The following SLC1A1 variants were observed in gnomAD, a reference collection of about 807,000 sequenced individuals.
The protein encoded by SLC1A1 is solute carrier family 1 member 1.
A neutral mutation model predicts 53.3 loss-of-function variants in SLC1A1; 43 were observed. That is an observed-to-expected ratio of 0.81 (90% CI 0.63 to 1.04). The LOEUF (loss-of-function observed/expected upper bound fraction) is 1.04, where lower values mean the gene tolerates loss of function less well. Ranked by LOEUF, SLC1A1 falls within the 50% of genes least tolerant of loss-of-function variation. The pLI is 0.00. For missense variants in SLC1A1, 748 were observed against 664.9 expected, an observed-to-expected ratio of 1.12 and a Z score of -1.37; for synonymous variants, 307 against 243.2, an observed-to-expected ratio of 1.26 and a Z score of -2.44.
At chr9:4,495,634 G>A (rs1820387835) in intron 1 of SLC1A1, among the ~76,000 whole-genome samples, 1 of 152,096 alleles carries the variant, frequency 6.6e-6, no homozygotes, top group South Asian at 2.1e-4. Context: ...TAGTTTGTGT[G>A]AGAAACATCA....
chr9:4,522,032 G>A (rs1816091711), intron 1 of SLC1A1, among the ~76,000 whole-genome samples: 1 of 145,252 alleles, frequency 6.9e-6, no homozygotes, highest in Admixed American at 7.0e-5. Context: ...TAATGAATCA[G>A]AACCTGCCTC....
chr9:4,501,551 G>T (rs139222056), intron 1 of SLC1A1, among the ~76,000 whole-genome samples: 2 of 151,564 alleles, frequency 1.3e-5, no homozygotes, highest in African/African-American at 4.9e-5. Flanking sequence ...GATCACCTGA[G>T]GTCAGGAGTT....
At chr9:4,569,476 T>C (rs529347896) in intron 6 of SLC1A1, among the ~76,000 whole-genome samples, 35 of 152,310 alleles carry the variant, frequency 2.3e-4, no homozygotes, top group African/African-American at 7.9e-4. Context: ...TCAACATGCT[T>C]TGAGAGCTTT....
chr9:4,564,365 T>C lies in SLC1A1; in HGVS notation c.347T>C (p.Ile116Thr). 1 of 1,613,578 alleles carries C rather than the reference T, an allele frequency of 6.2e-7. No homozygotes were observed. Among genetic ancestry groups the C allele is most frequent in the Non-Finnish European group, 8.5e-7 (1 of 1,179,744 alleles). The change falls in exon 4 of 12, where the codon ATC (isoleucine) becomes ACC (threonine). Residue 116 changes from isoleucine (I) to threonine (T), a missense_variant. Transcript: ENST00000262352. The stretch of plus-strand genomic sequence containing the variant: ...ACAGGTATTGTGCTGGTGGTGAGCA[T>C]CAAGCCTGGTGTCACCCAGAAAGTG... ...VILGIVLVVS[I>T]KPGVTQKVGE... is the part of the protein sequence containing the mutation.
At chr9:4,497,853 T>G (rs556391733) in intron 1 of SLC1A1, among the ~76,000 whole-genome samples, 1 of 152,358 alleles carries the variant, frequency 6.6e-6, no homozygotes, top group African/African-American at 2.4e-5. Context: ...TCTCTGAGTC[T>G]TTGTTTCTTA....
At chr9:4,562,525 G>T (rs1050998118) in intron 3 of SLC1A1, among the ~76,000 whole-genome samples, 2 of 152,190 alleles carry the variant, frequency 1.3e-5, no homozygotes, top group African/African-American at 4.8e-5. Flanking sequence ...AATCCCACTT[G>T]TAAGAGGGAG....
At position 4,490,622 on chromosome 9, in the gene SLC1A1, C is replaced by T. The variant is rs1820195258; in HGVS notation, c.-58C>T. 2 of 1,432,922 alleles carry T rather than the reference C, an allele frequency of 1.4e-6. No homozygotes were observed. The highest frequency in any genetic ancestry group is 1.4e-5 in the African/African-American group (1 of 71,080). 88.8% of individuals were successfully genotyped at this position (1,432,922 alleles called of 1,614,324 possible). A position where few individuals can be genotyped will look rare whatever the true frequency, so the allele number is the denominator to read the frequency against. ...GCGCCGCCGAGCAGCCAGCAGTCCC[C>T]GGGTCGCCCAGCCCACGCGCGCACG... On this transcript the variant is annotated 5_prime_UTR_variant, in exon 1 of 12. Transcript: ENST00000262352.
intron 1 of SLC1A1, among the ~76,000 whole-genome samples, chr9:4,531,555 C>T (rs940721546): frequency 5.3e-5 from 8 of 152,228 alleles, no homozygotes; most frequent in Admixed American, 3.9e-4. Context: ...ACAAAGCAGC[C>T]GGGAAGCTCG....
chr9:4,554,013 A>G (rs1290871333), intron 2 of SLC1A1: 1 of 152,230 alleles, frequency 6.6e-6, no homozygotes, highest in African/African-American at 2.4e-5. Flanking sequence ...GGAATAAAAG[A>G]AACATTTTGG....
chr9:4,568,979 A>G (rs1037697545), intron 6 of SLC1A1, among the ~76,000 whole-genome samples: 1 of 152,128 alleles, frequency 6.6e-6, no homozygotes, highest in Non-Finnish European at 1.5e-5. Flanking sequence ...TTAACCCTGT[A>G]TTTCCCCCAG....
intron 1 of SLC1A1, among the ~76,000 whole-genome samples, chr9:4,508,129 C>T (rs145724673): frequency 2.6e-5 from 4 of 151,378 alleles, no homozygotes; most frequent in Admixed American, 1.3e-4. Context: ...GGAACGTGAC[C>T]GTGGGATAGA....
At chr9:4,497,252 C>A (rs183510589) in intron 1 of SLC1A1, among the ~76,000 whole-genome samples, 3 of 152,218 alleles carry the variant, frequency 2.0e-5, no homozygotes, top group Admixed American at 2.0e-4. Flanking sequence ...AACAGAGGCA[C>A]AGAGAATTAA....
chr9:4,507,276 C>A (rs1308065431), intron 1 of SLC1A1, among the ~76,000 whole-genome samples: 1 of 151,850 alleles, frequency 6.6e-6, no homozygotes, highest in Non-Finnish European at 1.5e-5. Flanking sequence ...TAAACAAAAT[C>A]CTCAAGTGTT....
chr9:4,525,604 A>G (rs1485721704), intron 1 of SLC1A1, among the ~76,000 whole-genome samples: 1 of 152,210 alleles, frequency 6.6e-6, no homozygotes, highest in African/African-American at 2.4e-5. Context: ...ATAACTAAAG[A>G]AAAACAGGTG....
chr9:4,499,509 A>T (rs1436730216), intron 1 of SLC1A1, among the ~76,000 whole-genome samples: 1 of 152,226 alleles, frequency 6.6e-6, no homozygotes, highest in Non-Finnish European at 1.5e-5. Context: ...TCAGAATCAG[A>T]TTTGAAGCAT....
chr9:4,537,190 TA>T (rs977581681), intron 1 of SLC1A1, among the ~76,000 whole-genome samples: 100 of 146,730 alleles, frequency 6.8e-4, no homozygotes, highest in Admixed American at 1.5e-3. Flanking sequence ...ACTTAAATAA[TA>T]AAAAAAAAAG....
At chr9:4,578,202 A>G (rs1214928264) in intron 10 of SLC1A1, among the ~76,000 whole-genome samples, 1 of 152,206 alleles carries the variant, frequency 6.6e-6, no homozygotes, top group East Asian at 1.9e-4. Context: ...TGGTCTTCAA[A>G]TGTGTAAGTC....
chr9:4,545,035 C>A (rs1332212072), intron 2 of SLC1A1, among the ~76,000 whole-genome samples: 1 of 152,182 alleles, frequency 6.6e-6, no homozygotes, highest in Non-Finnish European at 1.5e-5. Context: ...CACCTGGTCT[C>A]TCCCTTGACA....
intron 1 of SLC1A1, among the ~76,000 whole-genome samples, chr9:4,538,163 C>T (rs938888965): frequency 1.3e-5 from 2 of 152,182 alleles, no homozygotes; most frequent in African/African-American, 4.8e-5. Context: ...CTGTGACAGC[C>T]TCAGGAGGTC....
Sources: allele counts gnomAD v4.1 joint callset (sites outside exome capture counted in the v4.1 genomes callset), GRCh38; gene constraint gnomAD v4.1.1; transcripts MANE v1.5; gene names NCBI Gene and HGNC (gene_info 2026-07-23, HGNC 2026-07-21).